Variants in CGGBP1 observed in about 807,000 individuals in gnomAD.
CGGBP1 encodes the protein CGG triplet repeat-binding protein 1.
In CGGBP1, 4 loss-of-function variants were observed where a neutral mutation model predicts 11.4. That is an observed-to-expected ratio of 0.35 (90% CI 0.17 to 0.80). CGGBP1 has a LOEUF of 0.80. CGGBP1 is among the 30% of genes least tolerant of loss of function. CGGBP1 has a pLI of 0.52. For synonymous variants in CGGBP1, 76 were observed against 74.1 expected (o/e 1.03, Z -0.13); for missense variants, 135 against 202.1 (o/e 0.67, Z 2.01).
chr3:88,111,114 T>A (rs1414869146), intron 2 of CGGBP1, among the ~76,000 whole-genome samples: 1 of 152,050 alleles, frequency 6.6e-6, no homozygotes, highest in Non-Finnish European at 1.5e-5. Flanking sequence ...AAGTATGGAA[T>A]GTCAAGAGTG....
At chr3:88,118,782 T>C (rs1004466838) in intron 2 of CGGBP1, among the ~76,000 whole-genome samples, 4 of 152,228 alleles carry the variant, frequency 2.6e-5, no homozygotes, top group Non-Finnish European at 4.4e-5. Flanking sequence ...TAATTCTCTC[T>C]TGGGTCTACT....
rs79262892 is a variant in CGGBP1 at position 88,110,542 on chromosome 3, T to C, written c.-229+30428A>G. On this transcript the variant is annotated intron_variant, in intron 2 of 3. Transcript: ENST00000462901. ...CTAACCATTCATTTCTCATGTACTA[T>C]ACAAAAACTGGCCTTGCTCGGGCCA... Among the ~76,000 whole-genome samples, 157 of 152,250 alleles carry C rather than the reference T, an allele frequency of 1.0e-3. 2 individuals carry two copies. The East Asian group carries it at 0.029, about 28-fold the overall frequency.
At chr3:88,078,775 A>ATGGTATTC (rs1298539463) in intron 2 of CGGBP1, among the ~76,000 whole-genome samples, 2 of 152,112 alleles carry the variant, frequency 1.3e-5, no homozygotes, top group Non-Finnish European at 2.9e-5. Context: ...AGAATTTCTC[A>ATGGTATTC]TGGTATTCTT....
chr3:88,129,667 TTTCTC>T (rs1706332027), intron 2 of CGGBP1: 1 of 1,383,186 alleles, frequency 7.2e-7, no homozygotes, highest in African/African-American at 1.4e-5. Flanking sequence ...TATGAACTGA[TTTCTC>T]TTTTCCTCTT....
intron 2 of CGGBP1, among the ~76,000 whole-genome samples, chr3:88,112,087 G>A (rs1559717938): frequency 1.3e-5 from 2 of 151,626 alleles, no homozygotes; most frequent in African/African-American, 2.4e-5. Context: ...TTGGTTTTAC[G>A]TTTTTTGGTC....
chr3:88,064,921 T>C (rs1436483015), intron 2 of CGGBP1, among the ~76,000 whole-genome samples: 2 of 152,242 alleles, frequency 1.3e-5, no homozygotes, highest in Non-Finnish European at 2.9e-5. Context: ...CAGTCACTTA[T>C]TTACTTTTGA....
At chr3:88,061,860 G>T (rs532634807), upstream of CGGBP1, among the ~76,000 whole-genome samples, 1 of 152,224 alleles carries the variant, frequency 6.6e-6, no homozygotes, top group Non-Finnish European at 1.5e-5. Context: ...TGCAGTTGGG[G>T]TATGTGACAG....
At chr3:88,127,714 G>A (rs1706205180) in intron 2 of CGGBP1, among the ~76,000 whole-genome samples, 1 of 152,148 alleles carries the variant, frequency 6.6e-6, no homozygotes, top group Non-Finnish European at 1.5e-5. Context: ...GTTCGTCTGA[G>A]GGCTGATGGC....
At chr3:88,057,990 A>ATG (rs1374637290) in intron 2 of CGGBP1, 29 bp downstream of exon 2, 1 of 152,240 alleles carries the variant, frequency 6.6e-6, no homozygotes, top group Non-Finnish European at 1.5e-5. Context: ...AAGAAAACTC[A>ATG]TCATAAGTTT....
intron 2 of CGGBP1, among the ~76,000 whole-genome samples, chr3:88,123,201 T>G (rs1259539948): frequency 1.3e-5 from 2 of 152,132 alleles, no homozygotes; most frequent in Non-Finnish European, 2.9e-5. Flanking sequence ...ACTTGTAAGC[T>G]TATTGTTCTT....
chr3:88,090,887 C>T (rs1489009393), intron 2 of CGGBP1, among the ~76,000 whole-genome samples: 6 of 152,128 alleles, frequency 3.9e-5, no homozygotes, highest in African/African-American at 1.2e-4. Context: ...AAAAAGATTA[C>T]GTAATGTTTT....
chr3:88,121,966 T>C (rs555117827), intron 2 of CGGBP1, among the ~76,000 whole-genome samples: 2 of 152,316 alleles, frequency 1.3e-5, no homozygotes, highest in South Asian at 4.1e-4. Context: ...ATGTATCTTC[T>C]CTGGCACACC....
chr3:88,081,874 C>G (rs1708094101), intron 2 of CGGBP1, among the ~76,000 whole-genome samples: 1 of 152,150 alleles, frequency 6.6e-6, no homozygotes, highest in South Asian at 2.1e-4. Context: ...CTTCTAGGAT[C>G]TCTCAATGGA....
At chr3:88,070,358 T>C (rs533347861) in intron 2 of CGGBP1, among the ~76,000 whole-genome samples, 1 of 152,132 alleles carries the variant, frequency 6.6e-6, no homozygotes, top group Admixed American at 6.5e-5. Flanking sequence ...TAAAAAATGA[T>C]CTTTTCAGTG....
chr3:88,065,420 T>C (rs1707140670), intron 2 of CGGBP1, among the ~76,000 whole-genome samples: 1 of 152,164 alleles, frequency 6.6e-6, no homozygotes. Flanking sequence ...TTAGTACATA[T>C]AATGTAATCC....
chr3:88,097,137 A>G (rs1188287550), intron 2 of CGGBP1, among the ~76,000 whole-genome samples: 2 of 152,158 alleles, frequency 1.3e-5, no homozygotes, highest in Admixed American at 1.3e-4. Context: ...ATTACCATGT[A>G]TGACCGGAAT....
At chr3:88,088,737 C>T (rs1708467462) in intron 2 of CGGBP1, among the ~76,000 whole-genome samples, 1 of 141,378 alleles carries the variant, frequency 7.1e-6, no homozygotes. Context: ...TAAAAAAAAA[C>T]CTTTATTTAT....
intron 2 of CGGBP1, among the ~76,000 whole-genome samples, chr3:88,082,372 G>A (rs565187859): frequency 2.6e-5 from 4 of 152,290 alleles, no homozygotes; most frequent in African/African-American, 7.2e-5. Context: ...TGATCTGCCC[G>A]CCTTGGCCTC....
At chr3:88,067,371 G>T (rs1388838191) in intron 2 of CGGBP1, among the ~76,000 whole-genome samples, 2 of 152,176 alleles carry the variant, frequency 1.3e-5, no homozygotes, top group Non-Finnish European at 2.9e-5. Flanking sequence ...GAGATAGCTG[G>T]ACTTAACAGA....
Sources: gnomAD v4.1 joint callset for allele counts (sites outside exome capture counted in the v4.1 genomes callset) on GRCh38, gnomAD v4.1.1 for gene constraint, MANE v1.5 for transcripts, NCBI Gene and HGNC (gene_info 2026-07-23, HGNC 2026-07-21) for gene names.